GABRB2: variants seen among roughly 807,000 people sequenced by gnomAD.
The protein encoded by GABRB2 is gamma-aminobutyric acid receptor subunit beta-2.
A neutral mutation model predicts 54.7 loss-of-function variants in GABRB2; 16 were observed. The observed-to-expected ratio is 0.29, with a 90% CI of 0.20 to 0.44. The LOEUF is 0.44. Ranked by LOEUF, GABRB2 falls within the 20% of genes least tolerant of loss-of-function variation. GABRB2 has a pLI of 1.00. For missense variants in GABRB2, 355 were observed against 644.0 expected, an observed-to-expected ratio of 0.55 and a Z score of 4.86; for synonymous variants, 244 against 233.8, an observed-to-expected ratio of 1.04 and a Z score of -0.40.
intron 4 of GABRB2, among the ~76,000 whole-genome samples, chr5:161,438,367 A>G (rs528666584): frequency 2.4e-4 from 37 of 152,308 alleles, no homozygotes; most frequent in African/African-American, 8.7e-4. Context: ...AAACACATAC[A>G]GCTTGGATCA....
In GABRB2 at chr5:161,327,041, GACAC is replaced by G. The variant is rs150178203; in HGVS notation, c.1078-564_1078-561del. 2,436 of 494,822 alleles carry G rather than the reference GACAC, an allele frequency of 4.9e-3. 16 individuals carry two copies. Among genetic ancestry groups the G allele is most frequent in the African/African-American group, 0.027 (1,116 of 42,078 alleles). The allele number at this position is 494,822 out of a possible 1,614,324, so 30.7% of individuals were successfully genotyped here. ...ATCAATCAAAAGCAAATTCCATTAG[GACAC>G]ACACACACACACACACACACACACA... On this transcript the variant is annotated intron_variant, in intron 8 of 9. Coordinates refer to ENST00000393959, the MANE Select transcript of GABRB2 (RefSeq NM_001371727.1).
intron 5 of GABRB2, among the ~76,000 whole-genome samples, chr5:161,395,571 T>G (rs1242298693): frequency 6.6e-6 from 1 of 152,110 alleles, no homozygotes; most frequent in African/African-American, 2.4e-5. Flanking sequence ...ATCGCAATTG[T>G]GCAAACTCCT....
chr5:161,388,315 A>T (rs1215647602), intron 5 of GABRB2, among the ~76,000 whole-genome samples: 15 of 152,138 alleles, frequency 9.9e-5, no homozygotes, highest in Admixed American at 8.5e-4. Context: ...TGTCAATAGA[A>T]GAAGGCTTTA....
Position 161,290,766 on chromosome 5 carries a change from G to A in GABRB2, c.*3315C>T, listed in dbSNP as rs1030521718. Reference sequence around the variant, plus strand: ...TGGAACACGGTTACCTATAGAAAATGGAAATTATCTTAGTTGCCAATTTAA... The same window carrying A: ...TGGAACACGGTTACCTATAGAAAATAGAAATTATCTTAGTTGCCAATTTAA... On this transcript the variant is annotated 3_prime_UTR_variant, in exon 10 of 10. Transcript: ENST00000393959. 1 of 152,404 alleles carries A rather than the reference G, an allele frequency of 6.6e-6. No homozygotes were observed. Among genetic ancestry groups the A allele is most frequent in the Non-Finnish European group, 1.5e-5 (1 of 67,952 alleles). 9.4% of individuals were successfully genotyped at this position (152,404 alleles called of 1,614,324 possible).
At chr5:161,300,590 T>C (rs555045223) in intron 9 of GABRB2, among the ~76,000 whole-genome samples, 1 of 152,186 alleles carries the variant, frequency 6.6e-6, no homozygotes. Context: ...CTGACTCAGG[T>C]AGTGGTTTGG....
chr5:161,319,783 AATCTT>A (rs1296759655), intron 9 of GABRB2, among the ~76,000 whole-genome samples: 1 of 151,812 alleles, frequency 6.6e-6, no homozygotes, highest in African/African-American at 2.4e-5. Context: ...TCATTGTTGA[AATCTT>A]ATGGGCTAGA....
chr5:161,543,516 A>T (rs1221238715), intron 3 of GABRB2, among the ~76,000 whole-genome samples: 2 of 152,184 alleles, frequency 1.3e-5, no homozygotes, highest in Non-Finnish European at 2.9e-5. Context: ...AGGTGGTGGT[A>T]AAATAAGACT....
intron 4 of GABRB2, among the ~76,000 whole-genome samples, chr5:161,415,797 G>A (rs1209409412): frequency 6.6e-6 from 1 of 152,030 alleles, no homozygotes; most frequent in Admixed American, 6.6e-5. Context: ...ATTTTTAGTA[G>A]AGATGGGGTT....
rs1757237095 is a variant in GABRB2, at chr5:161,291,521, C to G, written c.*2560G>C. The G allele has an allele frequency of 6.6e-6, 1 of 152,272 alleles. No individual in the cohort carries two copies. Among genetic ancestry groups the G allele is most frequent in the African/African-American group, 2.4e-5 (1 of 41,418 alleles). 9.4% of individuals were successfully genotyped at this position (152,272 alleles called of 1,614,324 possible). A position where few individuals can be genotyped will look rare whatever the true frequency, so the allele number is the denominator to read the frequency against. ...TTTCTATCTCTGTGGTTACTGAGTG[C>G]CAATGTATGCTTTTTACTCTAGGGC... On this transcript the variant is annotated 3_prime_UTR_variant, in exon 10 of 10. Transcript: ENST00000393959.
At chr5:161,402,612 G>C (rs1756229877) in intron 5 of GABRB2, among the ~76,000 whole-genome samples, 1 of 152,170 alleles carries the variant, frequency 6.6e-6, no homozygotes, top group African/African-American at 2.4e-5. Context: ...AAAGGATTTG[G>C]ATGAAGCAGG....
At chr5:161,546,486 CTACATTT>C in intron 1 of GABRB2, 73 bp from the exon 2 acceptor site, 1 of 1,568,180 alleles carries the variant, frequency 6.4e-7, no homozygotes, top group Non-Finnish European at 8.8e-7. Flanking sequence ...CGGATCCCTA[CTACATTT>C]CCCTGCTCAC....
chr5:161,517,195 A>G (rs569010312), intron 3 of GABRB2, among the ~76,000 whole-genome samples: 7 of 152,284 alleles, frequency 4.6e-5, no homozygotes, highest in African/African-American at 1.7e-4. Flanking sequence ...TGAAGGGGTT[A>G]TATTAGTGAC....
At chr5:161,494,073 G>T (rs1015378296) in intron 3 of GABRB2, among the ~76,000 whole-genome samples, 2 of 151,516 alleles carry the variant, frequency 1.3e-5, no homozygotes, top group Admixed American at 6.6e-5. Context: ...ATTTAATATG[G>T]TACATCTTTC....
intron 3 of GABRB2, among the ~76,000 whole-genome samples, chr5:161,512,617 A>G (rs1260115374): frequency 6.6e-6 from 1 of 152,146 alleles, no homozygotes; most frequent in African/African-American, 2.4e-5. Flanking sequence ...AGAATCTTAG[A>G]AGAATACCTA....
chr5:161,504,004 A>G (rs1297511024), intron 3 of GABRB2, among the ~76,000 whole-genome samples: 3 of 152,222 alleles, frequency 2.0e-5, no homozygotes, highest in Non-Finnish European at 4.4e-5. Context: ...TCAAAAAGTC[A>G]TAGTATGAAA....
chr5:161,362,519 A>G (rs113227463), intron 5 of GABRB2, among the ~76,000 whole-genome samples: 1,560 of 152,284 alleles, frequency 0.01, 34 homozygotes, highest in South Asian at 0.052. Context: ...AAAAGCCAAA[A>G]TTGGCAAATG....
At chr5:161,368,116 GACACACACACAC>G (rs11467721) in intron 5 of GABRB2, among the ~76,000 whole-genome samples, 2 of 144,916 alleles carry the variant, frequency 1.4e-5, no homozygotes, top group Non-Finnish European at 3.0e-5. Flanking sequence ...CTCCCTCTCT[GACACACACACAC>G]ACACACACAC....
chr5:161,312,020 G>T (rs1220657683), intron 9 of GABRB2, among the ~76,000 whole-genome samples: 2 of 111,570 alleles, frequency 1.8e-5, no homozygotes, highest in Admixed American at 8.5e-5. Flanking sequence ...GTAATGTTTT[G>T]TGTGTGTGTG....
At chr5:161,369,623 T>C (rs1755074613) in intron 5 of GABRB2, among the ~76,000 whole-genome samples, 1 of 152,040 alleles carries the variant, frequency 6.6e-6, no homozygotes, top group Non-Finnish European at 1.5e-5. Context: ...TCAAACTTTA[T>C]TGAGAAAGAG....
Sources: allele counts gnomAD v4.1 joint callset (sites outside exome capture counted in the v4.1 genomes callset), GRCh38; gene constraint gnomAD v4.1.1; transcripts MANE v1.5; gene names NCBI Gene and HGNC (gene_info 2026-07-23, HGNC 2026-07-21).